Variants in GRIN3B observed in about 807,000 individuals in gnomAD.
The protein encoded by GRIN3B is glutamate receptor ionotropic, NMDA 3B.
GRIN3B carries 77 observed loss-of-function variants against 66.0 expected under a neutral mutation model. The observed-to-expected ratio is 1.17, with a 90% CI of 0.97 to 1.41. GRIN3B has a LOEUF of 1.41. Ranked by LOEUF, GRIN3B falls within the 40% of genes most tolerant of loss-of-function variation. The probability of loss-of-function intolerance (pLI) is 0.00; values close to 1 mark genes in which losing one functional copy is unlikely to be tolerated. For synonymous variants in GRIN3B, 823 were observed against 749.7 expected (o/e 1.10, Z -1.60); for missense variants, 1,787 against 1,564.5 (o/e 1.14, Z -2.40).
rs2038709688 is a variant in GRIN3B at position 1,003,727 on chromosome 19, G to A, written c.1019+5G>A. ...CCCGGGGCGCTTCTTGGCACGGTGAGTGGGGACCCTGCTTCCCTTAGGAGG... is the reference window on the plus strand; with the variant it reads ...CCCGGGGCGCTTCTTGGCACGGTGAATGGGGACCCTGCTTCCCTTAGGAGG... On this transcript the variant is annotated splice_donor_5th_base_variant and intron_variant, in intron 2 of 8. Coordinates refer to ENST00000234389, the MANE Select transcript of GRIN3B (RefSeq NM_138690.3). The A allele has an allele frequency of 5.7e-6, 8 of 1,398,684 alleles. No individual in the cohort carries two copies. The highest frequency in any genetic ancestry group is 1.6e-5 in the South Asian group (1 of 64,390). The allele number at this position is 1,398,684 out of a possible 1,614,324, so 86.6% of individuals were successfully genotyped here. A position where few individuals can be genotyped will look rare whatever the true frequency, so the allele number is the denominator to read the frequency against.
chr19:1,001,991 C>G (rs1010384625), intron 1 of GRIN3B: 11 of 152,306 alleles, frequency 7.2e-5, no homozygotes, highest in Non-Finnish European at 1.0e-4. Context: ...AGCGCCCTGC[C>G]AACCCGAGGG....
Position 1,009,681 on chromosome 19 carries a change from A to G in GRIN3B, c.*79A>G. The G allele has an allele frequency of 1.7e-6, 2 of 1,167,512 alleles. No individual in the cohort carries two copies. The highest frequency in any genetic ancestry group is 2.2e-6 in the Non-Finnish European group (2 of 893,706). 72.3% of individuals were successfully genotyped at this position (1,167,512 alleles called of 1,614,324 possible). A position where few individuals can be genotyped will look rare whatever the true frequency, so the allele number is the denominator to read the frequency against. On this transcript the variant is annotated 3_prime_UTR_variant, in exon 9 of 9. Coordinates refer to ENST00000234389, the MANE Select transcript of GRIN3B (RefSeq NM_138690.3). ...TGTCAACAGACAGTTTATTCTATAT[A>G]CAAACACAATTTTGTACACTGCAAT...
chr19:1,003,426 C>T lies in GRIN3B; in HGVS notation c.723C>T (p.Asp241=), dbSNP rs1296102584. 4 of 1,544,680 alleles carry T rather than the reference C, an allele frequency of 2.6e-6. No homozygotes were observed. Among genetic ancestry groups the T allele is most frequent in the Non-Finnish European group, 3.5e-6 (4 of 1,150,236 alleles). The change falls in exon 2 of 9, where the codon GAC becomes GAT. Residue 241 remains aspartate (D), a synonymous_variant. Transcript: ENST00000234389. ...CCGCGGCGGTCCTCCTCGGCTGTGA[C>T]ATCGCCCGTGCCCGTCGGGTGCTGG... ...PVPAAVLLGC[D]IARARRVLEA...
At position 1,008,667 on chromosome 19, in the gene GRIN3B, G is replaced by A. The variant is rs1454212281; in HGVS notation, c.2516G>A (p.Cys839Tyr). The A allele has an allele frequency of 1.2e-6, 2 of 1,604,800 alleles. No individual in the cohort carries two copies. Among genetic ancestry groups the A allele is most frequent in the Admixed American group, 1.7e-5 (1 of 59,990 alleles). ...YHFAGLFVLL[C>Y]LGLGSALLSS... ...TTCGCGGGCCTCTTCGTGTTGCTGT[G>A]CCTGGGCCTGGGCAGCGCTCTGCTC... The change falls in exon 7 of 9, where the codon TGC becomes TAC. Residue 839 changes from cysteine to tyrosine, a missense_variant. Cys to Tyr is a radical substitution (Grantham distance 194). Transcript: ENST00000234389.
intron 3 of GRIN3B, among the ~76,000 whole-genome samples, chr19:1,006,950 A>AGACCCACCT (rs1224475939): frequency 3.3e-5 from 5 of 152,198 alleles, no homozygotes; most frequent in African/African-American, 1.2e-4. Context: ...CTCAGCAGCC[A>AGACCCACCT]GACCCACCTA....
rs2038797904 is a variant in GRIN3B at position 1,008,840 on chromosome 19, T to C, written c.2632-17T>C. On this transcript the variant is annotated splice_polypyrimidine_tract_variant and intron_variant, in intron 7 of 8. Transcript: ENST00000234389. ...CCCCCCCGCCTCCTCGCCAACCGGG[T>C]CTGTCTGGGGTCTTAGAAAATCCAC... 1 of 1,518,392 alleles carries C rather than the reference T, an allele frequency of 6.6e-7. No homozygotes were observed. The highest frequency in any genetic ancestry group is 1.8e-5 in the Admixed American group (1 of 56,808). 94.1% of individuals were successfully genotyped at this position (1,518,392 alleles called of 1,614,324 possible).
In GRIN3B at chr19:1,008,667, G is replaced by T. The variant is rs1454212281; in HGVS notation, c.2516G>T (p.Cys839Phe). The stretch of plus-strand genomic sequence containing the variant: ...TTCGCGGGCCTCTTCGTGTTGCTGT[G>T]CCTGGGCCTGGGCAGCGCTCTGCTC... ...YHFAGLFVLL[C>F]LGLGSALLSS... The change falls in exon 7 of 9, where the codon TGC becomes TTC. Residue 839 changes from cysteine (C) to phenylalanine (F), a missense_variant. Coordinates refer to ENST00000234389, the MANE Select transcript of GRIN3B (RefSeq NM_138690.3). 3 of 1,604,800 alleles carry T rather than the reference G, an allele frequency of 1.9e-6. No individual in the cohort carries two copies. The African/African-American group carries it at 4.0e-5, about 21-fold the overall frequency.
Position 1,003,513 on chromosome 19 carries a change from C to T in GRIN3B, c.810C>T (p.Pro270=). The change falls in exon 2 of 9, where the codon CCC becomes CCT. Residue 270 remains proline (P), a synonymous_variant. Transcript: ENST00000234389. ...CACCACTGCCGCCCAAGGCCCTGCC[C>T]ACCGCGGGGCTGCCACCAGGGCTGC... ...LGTPLPPKAL[P]TAGLPPGLLA... The T allele has an allele frequency of 6.5e-7, 1 of 1,532,256 alleles. No individual in the cohort carries two copies. Among genetic ancestry groups the T allele is most frequent in the Non-Finnish European group, 8.7e-7 (1 of 1,144,346 alleles). The allele number at this position is 1,532,256 out of a possible 1,614,324, so 94.9% of individuals were successfully genotyped here.
In GRIN3B at chr19:1,008,238, G is replaced by C; in HGVS notation, c.2413G>C (p.Asp805His). The change falls in exon 6 of 9, where the codon GAC becomes CAC. Residue 805 changes from aspartate (D) to histidine (H), a missense_variant. Transcript: ENST00000234389. ...KSSGFIDLLH[D>H]KWYKMVPCGK... ...CTCCGGCTTCATCGACCTGCTCCAC[G>C]ACAAGTGGTACAAGATGGTGCCTTG... 6.4e-7 allele frequency: 1 copy of C among 1,564,388 alleles called. No individual in the cohort carries two copies. The highest frequency in any genetic ancestry group is 8.7e-7 in the Non-Finnish European group (1 of 1,150,842).
Position 1,005,541 on chromosome 19 carries a change from C to A in GRIN3B, c.2040C>A (p.Ile680=). The A allele has an allele frequency of 1.2e-6, 2 of 1,600,156 alleles. No individual in the cohort carries two copies. The highest frequency in any genetic ancestry group is 1.1e-5 in the South Asian group (1 of 89,704). The change falls in exon 3 of 9, where the codon ATC becomes ATA. Residue 680 remains isoleucine, a synonymous_variant. Coordinates refer to ENST00000234389, the MANE Select transcript of GRIN3B (RefSeq NM_138690.3). This position sits in a 1 kb window ranked among gnomAD's most constrained non-coding sequence, Gnocchi z 5.2. ...AGACCTTCGAGGAGCTGTCGGGGAT[C>A]CACGACCCCAAGGTGGGCGGCCTCG... The part of the protein sequence containing the change: ...GDKTFEELSG[I]HDPKLHHPAQ...
At chr19:1,006,650 GTC>G (rs2038752255) in intron 3 of GRIN3B, among the ~76,000 whole-genome samples, 2 of 152,274 alleles carry the variant, frequency 1.3e-5, no homozygotes, top group African/African-American at 4.8e-5. Flanking sequence ...GCCCCGTAGT[GTC>G]TCTGAACTTT....
In GRIN3B at chr19:1,008,237, C is replaced by T; in HGVS notation, c.2412C>T (p.His804=). ...YKSSGFIDLL[H]DKWYKMVPCG... is the part of the protein sequence containing the mutation. Reference sequence around the variant, plus strand: ...CCTCCGGCTTCATCGACCTGCTCCACGACAAGTGGTACAAGATGGTGCCTT... The same window carrying T: ...CCTCCGGCTTCATCGACCTGCTCCATGACAAGTGGTACAAGATGGTGCCTT... Residue 804 remains histidine (H), a synonymous_variant, in exon 6 of 9, where the codon CAC becomes CAT. Transcript: ENST00000234389. 14 of 1,611,876 alleles carry T rather than the reference C, an allele frequency of 8.7e-6. No individual in the cohort carries two copies. The highest frequency in any genetic ancestry group is 1.1e-5 in the Non-Finnish European group (13 of 1,179,666).
At chr19:1,001,929 C>G (rs1254953726) in intron 1 of GRIN3B, 3 of 152,262 alleles carry the variant, frequency 2.0e-5, no homozygotes, top group Admixed American at 2.0e-4. Context: ...GGGGACTGAG[C>G]CCCATCCCAA....
intron 1 of GRIN3B, among the ~76,000 whole-genome samples, 162 bp from the exon 2 acceptor site, chr19:1,002,968 G>C (rs556391308): frequency 2.5e-4 from 38 of 152,278 alleles, no homozygotes; most frequent in African/African-American, 8.9e-4. Context: ...ATGGTGATGG[G>C]GAACGATGGA....
Position 1,003,226 on chromosome 19 carries a change from G to A in GRIN3B, c.523G>A (p.Gly175Ser), listed in dbSNP as rs373257218. The A allele has an allele frequency of 7.6e-6, 12 of 1,571,126 alleles. No individual in the cohort carries two copies. The highest frequency in any genetic ancestry group is 6.9e-5 in the African/African-American group (5 of 72,040). Reference protein sequence around the residue: ...VLQAHAWEDVGLALCRTQDPG... With the variant: ...VLQAHAWEDVSLALCRTQDPG... ...GCAGGCGCACGCCTGGGAAGACGTC[G>A]GCCTGGCCCTGTGCCGCACTCAGGA... The change falls in exon 2 of 9, where the codon GGC (glycine) becomes AGC (serine). Residue 175 changes from glycine to serine, a missense_variant. Coordinates refer to ENST00000234389, the MANE Select transcript of GRIN3B (RefSeq NM_138690.3).
In GRIN3B at chr19:1,008,752, C is replaced by G. The variant is rs1224621188; in HGVS notation, c.2601C>G (p.Ser867Arg). 1.2e-6 allele frequency: 2 copies of G among 1,606,156 alleles called. No individual in the cohort carries two copies. Among genetic ancestry groups the G allele is most frequent in the South Asian group, 1.1e-5 (1 of 90,480 alleles). ...CGCTGCCGCGCATCCGCAAGGGGAG[C>G]AGGCTGCAGTACTGGCTGCACACCA... ...RLALPRIRKG[S>R]RLQYWLHTSQ... The change falls in exon 7 of 9, where the codon AGC becomes AGG. Residue 867 changes from serine (S) to arginine (R), a missense_variant. Physicochemically the swap from Ser to Arg is moderately radical, Grantham distance 110. Transcript: ENST00000234389.
In GRIN3B at chr19:1,000,656, G is replaced by T. The variant is rs1429599450; in HGVS notation, c.219G>T (p.Glu73Asp). The change falls in exon 1 of 9, where the codon GAG becomes GAT. Residue 73 changes from glutamate to aspartate, a missense_variant. Coordinates refer to ENST00000234389, the MANE Select transcript of GRIN3B (RefSeq NM_138690.3). ...GGCTGCCGCACAACCTGAGCTTGGA[G>T]CTGGTGGTCGCCGCGCCCCCCGCCC... ...APRLPHNLSL[E>D]LVVAAPPARD... 1 of 1,315,028 alleles carries T rather than the reference G, an allele frequency of 7.6e-7. No individual in the cohort carries two copies. Among genetic ancestry groups the T allele is most frequent in the Admixed American group, 3.3e-5 (1 of 30,006 alleles). 81.5% of individuals were successfully genotyped at this position (1,315,028 alleles called of 1,614,324 possible).
In GRIN3B at chr19:1,008,627, A is replaced by G. The variant is rs759340074; in HGVS notation, c.2476A>G (p.Met826Val). 3 of 1,598,908 alleles carry G rather than the reference A, an allele frequency of 1.9e-6. No individual in the cohort carries two copies. The highest frequency in any genetic ancestry group is 3.3e-5 in the Admixed American group (2 of 59,968). ...GCTGTGTTGCCCCCAGACCCTGCAGATGAGCATCTACCACTTCGCGGGCCT... is the reference window on the plus strand; with the variant it reads ...GCTGTGTTGCCCCCAGACCCTGCAGGTGAGCATCTACCACTTCGCGGGCCT... ...RVFAVTETLQ[M>V]SIYHFAGLFV... The change falls in exon 7 of 9, where the codon ATG becomes GTG. Residue 826 changes from methionine to valine, a missense_variant. Met to Val is a conservative substitution (Grantham distance 21, BLOSUM62 1). Coordinates refer to ENST00000234389, the MANE Select transcript of GRIN3B (RefSeq NM_138690.3).
Position 1,008,264 on chromosome 19 carries a change from C to G in GRIN3B, c.2439C>G (p.Cys813Trp). Reference sequence around the variant, plus strand: ...ACAAGTGGTACAAGATGGTGCCTTGCGGCAAGCGGGTCTTTGCGGTTACAG... The same window carrying G: ...ACAAGTGGTACAAGATGGTGCCTTGGGGCAAGCGGGTCTTTGCGGTTACAG... ...LHDKWYKMVP[C>W]GKRVFAVTET... Residue 813 changes from cysteine (C) to tryptophan (W), a missense_variant, in exon 6 of 9, where the codon TGC becomes TGG. By Grantham distance (215) the Cys-to-Trp change is radical (BLOSUM62 -2). Transcript: ENST00000234389. 1 of 1,455,774 alleles carries G rather than the reference C, an allele frequency of 6.9e-7. No individual in the cohort carries two copies. Among genetic ancestry groups the G allele is most frequent in the African/African-American group, 1.5e-5 (1 of 65,180 alleles). The allele number at this position is 1,455,774 out of a possible 1,614,324, so 90.2% of individuals were successfully genotyped here.
Sources: gnomAD v4.1 joint callset for allele counts (sites outside exome capture counted in the v4.1 genomes callset) on GRCh38, gnomAD v4.1.1 for gene constraint, Gnocchi (gnomAD v3.1) non-coding constraint, MANE v1.5 for transcripts, NCBI Gene and HGNC (gene_info 2026-07-23, HGNC 2026-07-21) for gene names.